AHI1: variants seen among roughly 807,000 people sequenced by gnomAD.
The protein encoded by AHI1 is jouberin.
Under a neutral mutation model 149.3 loss-of-function variants are expected in AHI1, and 123 were observed. The observed-to-expected ratio is 0.82, with a 90% CI of 0.71 to 0.96. The LOEUF is 0.96. Among genes scored for constraint, AHI1 ranks in the 40% least tolerant of loss-of-function variants. The pLI is 0.00. For missense variants in AHI1, 1,439 were observed against 1,422.7 expected, an observed-to-expected ratio of 1.01 and a Z score of -0.18; for synonymous variants, 475 against 459.8, an observed-to-expected ratio of 1.03 and a Z score of -0.42.
At chr6:135,429,601 C>T (rs1490003549) in intron 18 of AHI1, among the ~76,000 whole-genome samples, 3 of 151,358 alleles carry the variant, frequency 2.0e-5, no homozygotes, top group African/African-American at 7.3e-5. Flanking sequence ...ATAAAAGCAA[C>T]TAACTACATT....
intron 24 of AHI1, among the ~76,000 whole-genome samples, chr6:135,340,941 G>A (rs906563642): frequency 6.7e-6 from 1 of 150,332 alleles, no homozygotes; most frequent in Non-Finnish European, 1.5e-5. Context: ...GGCAAACACT[G>A]AAAAAACTCA....
intron 11 of AHI1, among the ~76,000 whole-genome samples, chr6:135,451,439 G>A (rs1788082732): frequency 6.6e-6 from 1 of 152,110 alleles, no homozygotes; most frequent in Non-Finnish European, 1.5e-5. Context: ...AGTTTCAAGA[G>A]AGTGACATAT....
chr6:135,385,157 C>A (rs574481748), intron 23 of AHI1, among the ~76,000 whole-genome samples: 4 of 152,124 alleles, frequency 2.6e-5, no homozygotes, highest in African/African-American at 9.6e-5. Context: ...TATGTTACAC[C>A]AGCCTCTAGC....
chr6:135,395,965 A>G (rs1244232126), intron 22 of AHI1, among the ~76,000 whole-genome samples: 4 of 151,862 alleles, frequency 2.6e-5, no homozygotes, highest in South Asian at 2.1e-4. Flanking sequence ...CTCTTGTTAC[A>G]TGCCCTTTAT....
chr6:135,349,235 G>A (rs1481387237), intron 24 of AHI1, among the ~76,000 whole-genome samples: 4 of 152,236 alleles, frequency 2.6e-5, no homozygotes, highest in East Asian at 1.9e-4. Context: ...CGATCCTCCC[G>A]CCTCAGCCTC....
In AHI1 at chr6:135,300,847, C is replaced by G; in HGVS notation, c.3427-289G>C. On this transcript the variant is annotated intron_variant, in intron 26 of 28. Transcript: ENST00000265602. ...AAAAAAAAAAAAATCAGTTGTGAAT[C>G]AGTTTAAATTAATCTCCCAATACAA... is the stretch of plus-strand genomic sequence containing the variant. 3.7e-6 allele frequency: 4 copies of G among 1,086,878 alleles called. No individual in the cohort carries two copies. The South Asian group carries it at 1.0e-4, about 28-fold the overall frequency. 67.3% of individuals were successfully genotyped at this position (1,086,878 alleles called of 1,614,324 possible).
In AHI1 at chr6:135,323,222, AC is replaced by A; in HGVS notation, c.3267del (p.Trp1089CysfsTer5). 6.2e-7 allele frequency: 1 copy of A among 1,613,870 alleles called. No individual in the cohort carries two copies. Among genetic ancestry groups the A allele is most frequent in the Non-Finnish European group, 8.5e-7 (1 of 1,179,818 alleles). On this transcript the variant is annotated frameshift_variant, in exon 25 of 29. Transcript: ENST00000265602. LOFTEE classifies it high-confidence loss of function. ...TCCTGTCCCTTTCCTATGCTGCCAT[AC>A]CACCAGTCTTCATTATCTTTGAAAA... The part of the protein sequence containing the change: ...RVFFKDNEDW[W>X]YGSIGKGQEG...
At chr6:135,439,204 G>A (rs534181775) in intron 14 of AHI1, among the ~76,000 whole-genome samples, 1 of 152,264 alleles carries the variant, frequency 6.6e-6, no homozygotes, top group East Asian at 1.9e-4. Flanking sequence ...TCAGTTACCC[G>A]CAGTCAACCA....
At chr6:135,371,900 T>G (rs1775119208) in intron 23 of AHI1, among the ~76,000 whole-genome samples, 1 of 152,162 alleles carries the variant, frequency 6.6e-6, no homozygotes, top group Non-Finnish European at 1.5e-5. Flanking sequence ...AGTAGAAAAT[T>G]AAGTTTTCAG....
chr6:135,379,610 T>C (rs371879407), intron 23 of AHI1, among the ~76,000 whole-genome samples: 2 of 152,188 alleles, frequency 1.3e-5, no homozygotes, highest in Non-Finnish European at 2.9e-5. Context: ...TACCTACCTA[T>C]TTAAAAATAG....
chr6:135,349,363 A>G (rs968085443), intron 24 of AHI1, among the ~76,000 whole-genome samples: 1 of 152,226 alleles, frequency 6.6e-6, no homozygotes, highest in Non-Finnish European at 1.5e-5. Flanking sequence ...ATAGAACACT[A>G]GGCAGCCTGA....
intron 22 of AHI1, among the ~76,000 whole-genome samples, chr6:135,395,940 T>C (rs1385874446): frequency 6.6e-6 from 1 of 151,894 alleles, no homozygotes; most frequent in Non-Finnish European, 1.5e-5. Context: ...ATGTTCTGTA[T>C]AAGACAATAC....
chr6:135,315,882 G>C (rs1238859884), intron 26 of AHI1, among the ~76,000 whole-genome samples: 1 of 152,016 alleles, frequency 6.6e-6, no homozygotes, highest in African/African-American at 2.4e-5. Context: ...TAACTTATCT[G>C]CATCCCTATC....
chr6:135,301,420 T>C (rs190143817), intron 26 of AHI1: 62 of 985,280 alleles, frequency 6.3e-5, no homozygotes, highest in Non-Finnish European at 7.5e-5. Context: ...TCTCTTTCAG[T>C]CTTGTTTGAG....
At chr6:135,408,527 T>A (rs1253035832) in intron 21 of AHI1, among the ~76,000 whole-genome samples, 1 of 152,136 alleles carries the variant, frequency 6.6e-6, no homozygotes, top group East Asian at 1.9e-4. Context: ...CTACATTTAT[T>A]CTGGGTTTAG....
chr6:135,372,481 C>T (rs930867988), intron 23 of AHI1, among the ~76,000 whole-genome samples: 9 of 140,036 alleles, frequency 6.4e-5, no homozygotes, highest in African/African-American at 2.4e-4. Flanking sequence ...CTAGCCCTGG[C>T]AACATAGCGA....
At chr6:135,413,883 G>C (rs1263022180) in intron 20 of AHI1, among the ~76,000 whole-genome samples, 2 of 152,102 alleles carry the variant, frequency 1.3e-5, no homozygotes. Context: ...TGTGTTCATG[G>C]GGTGGCATAC....
chr6:135,477,321 T>A (rs1792836740), intron 5 of AHI1, among the ~76,000 whole-genome samples: 1 of 152,204 alleles, frequency 6.6e-6, no homozygotes, highest in South Asian at 2.1e-4. Flanking sequence ...ATTACAGGCG[T>A]GAGCCACCAT....
chr6:135,329,423 C>T (rs1484339739), intron 24 of AHI1, among the ~76,000 whole-genome samples: 1 of 152,186 alleles, frequency 6.6e-6, no homozygotes, highest in African/African-American at 2.4e-5. Flanking sequence ...TCTACTCTGT[C>T]TCTCCTCTAT....
Sources: allele counts gnomAD v4.1 joint callset (sites outside exome capture counted in the v4.1 genomes callset), GRCh38; gene constraint gnomAD v4.1.1; transcripts MANE v1.5; gene names NCBI Gene and HGNC (gene_info 2026-07-23, HGNC 2026-07-21).